TAFA2: variants seen among roughly 807,000 people sequenced by gnomAD.
The protein encoded by TAFA2 is TAFA chemokine like family member 2.
In TAFA2, 7 loss-of-function variants were observed where a neutral mutation model predicts 18.8. The ratio of observed to expected loss-of-function variants is 0.37; its 90% CI spans 0.21 to 0.70. The LOEUF (loss-of-function observed/expected upper bound fraction) is 0.70. TAFA2 is among the 30% of genes least tolerant of loss of function. The probability of loss-of-function intolerance (pLI) is 0.53; values close to 1 mark genes in which losing one functional copy is unlikely to be tolerated. For missense variants in TAFA2, 122 were observed against 158.1 expected (o/e 0.77, Z 1.23); for synonymous variants, 60 against 54.2 (o/e 1.11, Z -0.47).
intron 2 of TAFA2, among the ~76,000 whole-genome samples, chr12:61,781,532 T>G (rs183998953): frequency 6.6e-6 from 1 of 151,770 alleles, no homozygotes; most frequent in African/African-American, 2.4e-5. Context: ...TTTTCCTTTT[T>G]ATAATATGCA....
chr12:62,157,837 T>C (rs377619024), intron 1 of TAFA2, among the ~76,000 whole-genome samples: 1 of 152,146 alleles, frequency 6.6e-6, no homozygotes, highest in East Asian at 1.9e-4. Context: ...TTTATTTGTG[T>C]CTCTTACGTC....
chr12:61,836,735 A>ATATATG (rs1376748799), intron 2 of TAFA2, among the ~76,000 whole-genome samples: 1 of 108,428 alleles, frequency 9.2e-6, no homozygotes, highest in Non-Finnish European at 2.1e-5. Flanking sequence ...CCAATTTGAT[A>ATATATG]TATATATATA....
At chr12:61,835,206 A>G (rs183152009) in intron 2 of TAFA2, among the ~76,000 whole-genome samples, 17 of 152,206 alleles carry the variant, frequency 1.1e-4, no homozygotes, top group Admixed American at 6.6e-4. Context: ...ATTACTGCTA[A>G]CAGTAATGCT....
chr12:62,021,471 ATTCTTT>A (rs1565718939), intron 1 of TAFA2: 1 of 436,826 alleles, frequency 2.3e-6, no homozygotes, highest in East Asian at 4.9e-5. Flanking sequence ...CCACTGCATC[ATTCTTT>A]TTTTTTTTTC....
At chr12:62,009,411 T>C (rs1325742381) in intron 1 of TAFA2, among the ~76,000 whole-genome samples, 2 of 152,202 alleles carry the variant, frequency 1.3e-5, no homozygotes, top group Admixed American at 6.5e-5. Flanking sequence ...CAATAGCTGC[T>C]GGGAATTTGA....
chr12:62,037,024 A>T (rs1247764397), intron 1 of TAFA2, among the ~76,000 whole-genome samples: 1 of 152,236 alleles, frequency 6.6e-6, no homozygotes, highest in Non-Finnish European at 1.5e-5. Flanking sequence ...GGTATTTATT[A>T]TGTAATTTAA....
chr12:62,102,107 T>C (rs933559355), intron 1 of TAFA2, among the ~76,000 whole-genome samples: 1 of 152,180 alleles, frequency 6.6e-6, no homozygotes, highest in Non-Finnish European at 1.5e-5. Flanking sequence ...TATAATTAAC[T>C]GCAAGAGCAT....
In TAFA2 at chr12:62,169,622, C is replaced by T. The variant is rs543931175; in HGVS notation, c.-2+21637G>A. 2.0e-4 allele frequency among the ~76,000 whole-genome samples: 31 copies of T among 152,164 alleles called. No homozygotes were observed. In the South Asian group the frequency reaches 4.4e-3, roughly 21 times the overall value. On this transcript the variant is annotated intron_variant, in intron 1 of 4. Transcript: ENST00000416284. ...ATCCCAGCATTTTGGGAGGCCGAGG[C>T]GGGCAGATCACGAGGTCAGGAGATC... is the stretch of plus-strand genomic sequence containing the variant.
chr12:61,839,615 G>C (rs959463134), intron 2 of TAFA2, among the ~76,000 whole-genome samples: 1 of 152,020 alleles, frequency 6.6e-6, no homozygotes, highest in African/African-American at 2.4e-5. Context: ...AGTGCATCTA[G>C]AAGCCATTAT....
At chr12:61,737,668 T>C (rs759512751) in intron 4 of TAFA2, among the ~76,000 whole-genome samples, 8 of 151,940 alleles carry the variant, frequency 5.3e-5, no homozygotes, top group Non-Finnish European at 1.2e-4. Flanking sequence ...TTAAGTGCAA[T>C]TATGCCTCCA....
At chr12:62,024,462 A>T (rs1272409246) in intron 1 of TAFA2, among the ~76,000 whole-genome samples, 1 of 152,282 alleles carries the variant, frequency 6.6e-6, no homozygotes, top group South Asian at 2.1e-4. Context: ...AGACAAAGTT[A>T]ATGTCCCATA....
chr12:61,744,367 A>T (rs529532761), intron 4 of TAFA2, among the ~76,000 whole-genome samples: 1 of 152,174 alleles, frequency 6.6e-6, no homozygotes, highest in Non-Finnish European at 1.5e-5. Context: ...TTAAAAGCAC[A>T]CATATATCGC....
chr12:61,716,214 G>T (rs1869651736), intron 4 of TAFA2, among the ~76,000 whole-genome samples: 1 of 152,112 alleles, frequency 6.6e-6, no homozygotes, highest in South Asian at 2.1e-4. Flanking sequence ...TTTTGCCTCT[G>T]ATTGTTTCTG....
chr12:61,793,951 A>G (rs1241133779), intron 2 of TAFA2, among the ~76,000 whole-genome samples: 1 of 151,960 alleles, frequency 6.6e-6, no homozygotes, highest in East Asian at 1.9e-4. Context: ...AACATATCTA[A>G]TGAGCTGAAT....
At chr12:62,082,486 A>G (rs1408287341) in intron 1 of TAFA2, among the ~76,000 whole-genome samples, 1 of 152,156 alleles carries the variant, frequency 6.6e-6, no homozygotes, top group South Asian at 2.1e-4. Flanking sequence ...TAGCACAGTC[A>G]ATGTTTGTTG....
chr12:61,756,181 T>C (rs947919288), intron 2 of TAFA2, among the ~76,000 whole-genome samples: 13 of 152,066 alleles, frequency 8.5e-5, no homozygotes, highest in African/African-American at 2.9e-4. Context: ...ATCACACATA[T>C]TTCCTACCTC....
At chr12:62,066,042 C>T (rs1343702398) in intron 1 of TAFA2, among the ~76,000 whole-genome samples, 7 of 151,166 alleles carry the variant, frequency 4.6e-5, no homozygotes, top group Non-Finnish European at 1.0e-4. Context: ...GAATTAGTAA[C>T]TGAGAATTAG....
intron 1 of TAFA2, among the ~76,000 whole-genome samples, chr12:61,904,547 C>T (rs959087224): frequency 6.6e-6 from 1 of 152,098 alleles, no homozygotes; most frequent in Non-Finnish European, 1.5e-5. Context: ...CAGTTTACAG[C>T]TTTAGTTTTC....
chr12:61,867,974 A>C (rs1874431392), intron 1 of TAFA2, among the ~76,000 whole-genome samples: 1 of 152,174 alleles, frequency 6.6e-6, no homozygotes, highest in South Asian at 2.1e-4. Context: ...CCTAATGTGC[A>C]CAACTCCACT....
Sources: allele counts gnomAD v4.1 joint callset (sites outside exome capture counted in the v4.1 genomes callset), GRCh38; gene constraint gnomAD v4.1.1; transcripts MANE v1.5; gene names NCBI Gene and HGNC (gene_info 2026-07-23, HGNC 2026-07-21).